ATRN: variants seen among roughly 807,000 people sequenced by gnomAD.
ATRN encodes attractin.
In ATRN, 54 loss-of-function variants were observed where a neutral mutation model predicts 178.7. The ratio of observed to expected loss-of-function variants is 0.30; its 90% confidence interval spans 0.24 to 0.38. ATRN has a LOEUF of 0.38. Ranked by LOEUF, ATRN falls within the 10% of genes least tolerant of loss-of-function variation. The pLI, the probability that ATRN is intolerant of heterozygous loss-of-function variation, is 1.00. For synonymous variants in ATRN, 636 were observed against 663.0 expected (o/e 0.96, Z 0.63); for missense variants, 1,443 against 1,815.1 (o/e 0.79, Z 3.73).
intron 25 of ATRN, chr20:3,629,116 G>A: frequency 1.0e-6 from 1 of 985,270 alleles, no homozygotes; most frequent in Non-Finnish European, 1.2e-6. Flanking sequence ...GTGGCCGTCA[G>A]TGCACTCTCC....
chr20:3,495,884 C>T (rs1294124842), intron 1 of ATRN, among the ~76,000 whole-genome samples: 1 of 151,570 alleles, frequency 6.6e-6, no homozygotes, highest in Non-Finnish European at 1.5e-5. Context: ...ATAAACACAC[C>T]AATGGAATGA....
At chr20:3,590,351 TC>T (rs1298806490) in intron 18 of ATRN, among the ~76,000 whole-genome samples, 1 of 152,204 alleles carries the variant, frequency 6.6e-6, no homozygotes, top group Non-Finnish European at 1.5e-5. Context: ...ATCACACTGA[TC>T]AACCAAGGCA....
intron 2 of ATRN, among the ~76,000 whole-genome samples, chr20:3,539,142 T>C (rs1048059035): frequency 9.2e-5 from 14 of 152,256 alleles, no homozygotes; most frequent in African/African-American, 3.4e-4. Context: ...AAGTGTGGGG[T>C]ATAGGAAAGT....
chr20:3,612,365 C>T, intron 24 of ATRN, among the ~76,000 whole-genome samples: 1 of 152,134 alleles, frequency 6.6e-6, no homozygotes, highest in East Asian at 1.9e-4. Flanking sequence ...TATCCTGAAG[C>T]TTCAAATTTC....
intron 1 of ATRN, among the ~76,000 whole-genome samples, chr20:3,504,501 C>T (rs1031971944): frequency 7.9e-6 from 1 of 125,836 alleles, no homozygotes; most frequent in Non-Finnish European, 1.6e-5. Flanking sequence ...CATGGTGAAA[C>T]CTCGTCTCTA....
chr20:3,481,533 A>T (rs945668913), intron 1 of ATRN, among the ~76,000 whole-genome samples: 1 of 152,008 alleles, frequency 6.6e-6, no homozygotes, highest in Non-Finnish European at 1.5e-5. Context: ...TTTTGTGGAG[A>T]TGAGGTCTCA....
chr20:3,607,893 T>C (rs1420422815), intron 24 of ATRN, among the ~76,000 whole-genome samples: 1 of 152,194 alleles, frequency 6.6e-6, no homozygotes, highest in South Asian at 2.1e-4. Context: ...TATTTTGTCT[T>C]TTTAATAATA....
intron 1 of ATRN, among the ~76,000 whole-genome samples, chr20:3,512,103 A>AT (rs1234363088): frequency 1.5e-3 from 175 of 117,246 alleles, no homozygotes; most frequent in African/African-American, 5.8e-3. Context: ...ATATATATAT[A>AT]TATATTTTTT....
At chr20:3,609,714 A>ATGTGTGTGTG (rs34028518) in intron 24 of ATRN, among the ~76,000 whole-genome samples, 1,874 of 146,184 alleles carry the variant, frequency 0.013, 34 homozygotes, top group African/African-American at 0.044. Context: ...GTATGTATGT[A>ATGTGTGTGTG]TGTGTGTGTG....
At chr20:3,472,481 C>G (rs970426606) in intron 1 of ATRN, among the ~76,000 whole-genome samples, 35 of 152,208 alleles carry the variant, frequency 2.3e-4, no homozygotes, top group African/African-American at 8.0e-4. Context: ...GGCCTCTGCT[C>G]TCATTGACCT....
At position 3,644,145 on chromosome 20, in the gene ATRN, T is replaced by C; in HGVS notation, c.4051-9T>C. 6.2e-7 allele frequency: 1 copy of C among 1,605,746 alleles called. No homozygotes were observed. The highest frequency in any genetic ancestry group is 8.5e-7 in the Non-Finnish European group (1 of 1,172,328). On this transcript the variant is annotated splice_polypyrimidine_tract_variant and intron_variant, in intron 27 of 28. Transcript: ENST00000262919. The stretch of plus-strand genomic sequence containing the variant: ...TATCACTTAAGGTAATTTTGTTTTC[T>C]TCTGCCAGACTGTTCCCAAACCCAT...
intron 24 of ATRN, among the ~76,000 whole-genome samples, chr20:3,609,004 G>C (rs967579826): frequency 2.6e-5 from 4 of 151,492 alleles, no homozygotes; most frequent in Admixed American, 2.0e-4. Context: ...AAATGCTTTG[G>C]CTATTTGAGG....
chr20:3,596,219 A>T (rs1002315515), intron 20 of ATRN, among the ~76,000 whole-genome samples, 158 bp from the exon 21 acceptor site: 1 of 152,234 alleles, frequency 6.6e-6, no homozygotes, highest in Admixed American at 6.5e-5. Context: ...GCGTTCATGC[A>T]TGCTCTTCCT....
intron 10 of ATRN, 152 bp downstream of exon 10, chr20:3,563,515 T>C: frequency 1.3e-6 from 1 of 777,568 alleles, no homozygotes; most frequent in South Asian, 2.4e-5. Flanking sequence ...TTGACTAATG[T>C]TACACATCTG....
intron 1 of ATRN, among the ~76,000 whole-genome samples, chr20:3,479,287 T>C (rs919611288): frequency 2.6e-5 from 4 of 152,332 alleles, no homozygotes; most frequent in South Asian, 2.1e-4. Context: ...CTTGAGGATA[T>C]GAAGGTGTGT....
chr20:3,641,543 A>T (rs2087067709), intron 27 of ATRN, among the ~76,000 whole-genome samples: 1 of 131,136 alleles, frequency 7.6e-6, no homozygotes, highest in South Asian at 2.7e-4. Flanking sequence ...GTGAGCTGAG[A>T]TTGCACCACT....
At chr20:3,497,277 C>T (rs2084893767) in intron 1 of ATRN, among the ~76,000 whole-genome samples, 1 of 151,172 alleles carries the variant, frequency 6.6e-6, no homozygotes, top group Non-Finnish European at 1.5e-5. Context: ...TACATTTTGG[C>T]ATGATTTTGC....
At chr20:3,574,343 C>G (rs1022120625) in intron 12 of ATRN, among the ~76,000 whole-genome samples, 2 of 152,198 alleles carry the variant, frequency 1.3e-5, no homozygotes, top group Non-Finnish European at 2.9e-5. Context: ...GAGACCCTGT[C>G]TCTACCAAAA....
At chr20:3,507,824 A>G (rs143558774) in intron 1 of ATRN, among the ~76,000 whole-genome samples, 2 of 150,650 alleles carry the variant, frequency 1.3e-5, no homozygotes, top group African/African-American at 2.4e-5. Flanking sequence ...AGCTGGGACT[A>G]CAGGCGCGCC....
Sources: allele counts gnomAD v4.1 joint callset (sites outside exome capture counted in the v4.1 genomes callset), GRCh38; gene constraint gnomAD v4.1.1; transcripts MANE v1.5; gene names NCBI Gene and HGNC (gene_info 2026-07-23, HGNC 2026-07-21).